THY1: variants seen among roughly 807,000 people sequenced by gnomAD.
The protein encoded by THY1 is thy-1 membrane glycoprotein.
In THY1, 10 loss-of-function variants were observed where a neutral mutation model predicts 14.9. The observed-to-expected ratio is 0.67, with a 90% CI of 0.41 to 1.14. The LOEUF is 1.14. Among genes scored for constraint, THY1 ranks in the 50% most tolerant of loss-of-function variants. THY1 has a pLI of 0.00. For synonymous variants in THY1, 80 were observed against 90.0 expected, an observed-to-expected ratio of 0.89 and a Z score of 0.63; for missense variants, 159 against 202.1, an observed-to-expected ratio of 0.79 and a Z score of 1.29.
At chr11:119,424,205 C>T (rs966926595), upstream of THY1, 1 of 152,286 alleles carries the variant, frequency 6.6e-6, no homozygotes, top group Non-Finnish European at 1.5e-5. Flanking sequence ...AACTCCTGAT[C>T]ACCTGGGGCA....
intron 1 of THY1, chr11:119,421,313 C>G (rs985136882): frequency 1.8e-5 from 3 of 166,820 alleles, no homozygotes; most frequent in African/African-American, 7.1e-5. Context: ...ATACAAAAAG[C>G]ATAATAATTA....
At chr11:119,419,952 A>T (rs1861863332) in intron 3 of THY1, 99 bp downstream of exon 3, 1 of 1,280,760 alleles carries the variant, frequency 7.8e-7, no homozygotes, top group East Asian at 2.5e-5. Context: ...TGAGAGCGTT[A>T]TGGGGCTATT....
At position 119,419,123 on chromosome 11, in the gene THY1, C is replaced by T; in HGVS notation, c.*285G>A. Reference sequence around the variant, plus strand: ...GGTCCCCAATCCTGGCTTCCCTCTTCACGAACTCTCAAAGAAAAGGAAGGA... The same window carrying T: ...GGTCCCCAATCCTGGCTTCCCTCTTTACGAACTCTCAAAGAAAAGGAAGGA... On this transcript the variant is annotated 3_prime_UTR_variant, in exon 4 of 4. Transcript: ENST00000284240. 5.0e-6 allele frequency: 2 copies of T among 403,906 alleles called. No homozygotes were observed. Among genetic ancestry groups the T allele is most frequent in the Admixed American group, 7.0e-5 (2 of 28,488 alleles). The allele number at this position is 403,906 out of a possible 1,614,324, so 25.0% of individuals were successfully genotyped here.
At chr11:119,423,345 C>G, upstream of THY1, 1 of 371,202 alleles carries the variant, frequency 2.7e-6, no homozygotes. Context: ...TGGCAGGTTG[C>G]GGCGGAAGGG....
At position 119,415,775 on chromosome 11, in the gene THY1, C is replaced by T. The variant is rs1365685293; in HGVS notation, c.*3633G>A. Among the ~76,000 whole-genome samples the T allele has an allele frequency of 6.6e-6, 1 of 152,200 alleles. No homozygotes were observed. Among genetic ancestry groups the T allele is most frequent in the East Asian group, 1.9e-4 (1 of 5,198 alleles). The stretch of plus-strand genomic sequence containing the variant: ...CTCCTTGAGTGTGTTGGGGACATTC[C>T]AGGCCTGAGAGTGTCCTGAGGCTGA... On this transcript the variant is annotated 3_prime_UTR_variant, in exon 4 of 4. Transcript: ENST00000284240.
At chr11:119,423,842 G>A (rs945568451), upstream of THY1, 2 of 152,964 alleles carry the variant, frequency 1.3e-5, no homozygotes, top group African/African-American at 4.8e-5. Flanking sequence ...TCAGCCCCTG[G>A]GCTGGCACCT....
chr11:119,420,150 A>T lies in THY1; in HGVS notation c.274T>A (p.Ser92Thr), dbSNP rs779886193. 1.4e-5 allele frequency: 23 copies of T among 1,614,248 alleles called. No homozygotes were observed. The highest frequency in any genetic ancestry group is 1.8e-5 in the Non-Finnish European group (21 of 1,180,042). Residue 92 changes from serine to threonine, a missense_variant, in exon 3 of 4, where the codon TCC (serine) becomes ACC (threonine). By Grantham distance (58) the Ser-to-Thr change is moderately conservative. Coordinates refer to ENST00000284240, the MANE Select transcript of THY1 (RefSeq NM_006288.5). ...SKYNMKVLYLSAFTSKDEGTY... is the reference protein window; with the variant it reads ...SKYNMKVLYLTAFTSKDEGTY... Reference sequence around the variant, plus strand: ...CCCTCGTCCTTGCTAGTGAAGGCGGATAAGTAGAGGACCTTCATGTTGTAT... The same window carrying T: ...CCCTCGTCCTTGCTAGTGAAGGCGGTTAAGTAGAGGACCTTCATGTTGTAT...
chr11:119,423,545 G>A, upstream of THY1: 1 of 243,256 alleles, frequency 4.1e-6, no homozygotes, highest in South Asian at 4.7e-5. Context: ...AAGTGTAAGA[G>A]GTGCAGGATG....
rs1591361192 is a variant in THY1 at position 119,422,606 on chromosome 11, T to C, written c.-25+507A>G. On this transcript the variant is annotated intron_variant, in intron 1 of 3. Coordinates refer to ENST00000284240, the MANE Select transcript of THY1 (RefSeq NM_006288.5). This position sits in a 1 kb window ranked among gnomAD's most constrained non-coding sequence, Gnocchi z 7.0. ...CTCTCATCCTTTTCCAGCTCTCCCCTCCCCCGTCCGCCCGCCTTCCACCCA... is the reference window on the plus strand; with the variant it reads ...CTCTCATCCTTTTCCAGCTCTCCCCCCCCCCGTCCGCCCGCCTTCCACCCA... The C allele has an allele frequency of 1.1e-5, 2 of 176,112 alleles. No individual in the cohort carries two copies. The highest frequency in any genetic ancestry group is 2.3e-5 in the Non-Finnish European group (2 of 85,988). The allele number at this position is 176,112 out of a possible 1,614,324, so 10.9% of individuals were successfully genotyped here.
rs34838334 is a variant in THY1 at position 119,415,914 on chromosome 11, T to TG, written c.*3493dup. Among the ~76,000 whole-genome samples the TG allele has an allele frequency of 0.35, 52,471 of 152,000 alleles. 9,920 individuals are homozygous for TG. The highest frequency in any genetic ancestry group is 0.49 in the African/African-American group (20,428 of 41,428). On this transcript the variant is annotated 3_prime_UTR_variant, in exon 4 of 4. Coordinates refer to ENST00000284240, the MANE Select transcript of THY1 (RefSeq NM_006288.5). ...TAAATGAGATGATTTACTCTTGACT[T>TG]GGGTTTGTTTGTTTCACATGTAAAG...
In THY1 at chr11:119,420,281, A is replaced by G. The variant is rs762883402; in HGVS notation, c.143T>C (p.Ile48Thr). 1.9e-5 allele frequency: 30 copies of G among 1,614,108 alleles called. No individual in the cohort carries two copies. The highest frequency in any genetic ancestry group is 2.5e-5 in the Non-Finnish European group (30 of 1,180,040). The part of the protein sequence containing the change: ...CRHENTSSSP[I>T]QYEFSLTRET... The stretch of plus-strand genomic sequence containing the variant: ...ACGGGTCAGGCTGAACTCGTACTGG[A>G]TGGGTGAACTGCTGGTATTCTCATG... Residue 48 changes from isoleucine to threonine, a missense_variant, in exon 3 of 4, where the codon ATC becomes ACC. Ile to Thr is a moderately conservative substitution (Grantham distance 89). Transcript: ENST00000284240.
upstream of THY1, among the ~76,000 whole-genome samples, chr11:119,424,506 C>A (rs1027854192): frequency 1.3e-5 from 2 of 152,138 alleles, no homozygotes; most frequent in African/African-American, 4.8e-5. Flanking sequence ...TGGAAGCTTG[C>A]AAGTGGGAGG....
Position 119,419,538 on chromosome 11 carries a change from G to A in THY1, c.374-18C>T, listed in dbSNP as rs777008177. 1.9e-6 allele frequency: 3 copies of A among 1,604,522 alleles called. No individual in the cohort carries two copies. In the Admixed American group the frequency reaches 5.0e-5, roughly 27 times the overall value. On this transcript the variant is annotated intron_variant, in intron 3 of 3. Transcript: ENST00000284240. ...CAGTTTGTCTGCAGAAAGAGAAGGG[G>A]GCCGGGGGCAGGGTAGGAAGGAAGA...
In THY1 at chr11:119,419,484, G is replaced by C. The variant is rs756883371; in HGVS notation, c.410C>G (p.Ala137Gly). 1 of 1,613,670 alleles carries C rather than the reference G, an allele frequency of 6.2e-7. No individual in the cohort carries two copies. Among genetic ancestry groups the C allele is most frequent in the Non-Finnish European group, 8.5e-7 (1 of 1,180,020 alleles). ...LVKCEGISLL[A>G]QNTSWLLLLL... ...CAGCAGCAGCCACGAGGTGTTCTGA[G>C]CCAGCAGGCTGATGCCCTCACACTT... Residue 137 changes from alanine to glycine, a missense_variant, in exon 4 of 4, where the codon GCT becomes GGT. Ala to Gly is a moderately conservative substitution (Grantham distance 60). Coordinates refer to ENST00000284240, the MANE Select transcript of THY1 (RefSeq NM_006288.5).
chr11:119,418,983 A>G lies in THY1; in HGVS notation c.*425T>C. On this transcript the variant is annotated 3_prime_UTR_variant, in exon 4 of 4. Coordinates refer to ENST00000284240, the MANE Select transcript of THY1 (RefSeq NM_006288.5). ...CCGTGCTAGGCCCAGGCACAGCCCAACCACTCCTCATCCAAGTCTCTCCCA... is the reference window on the plus strand; with the variant it reads ...CCGTGCTAGGCCCAGGCACAGCCCAGCCACTCCTCATCCAAGTCTCTCCCA... 3.1e-6 allele frequency: 1 copy of G among 317,934 alleles called. No homozygotes were observed. The highest frequency in any genetic ancestry group is 2.8e-5 in the South Asian group (1 of 35,440). 19.7% of individuals were successfully genotyped at this position (317,934 alleles called of 1,614,324 possible).
Position 119,415,943 on chromosome 11 carries a change from C to T in THY1, c.*3465G>A, listed in dbSNP as rs2135430441. Among the ~76,000 whole-genome samples the T allele has an allele frequency of 6.6e-6, 1 of 152,266 alleles. No homozygotes were observed. On this transcript the variant is annotated 3_prime_UTR_variant, in exon 4 of 4. Coordinates refer to ENST00000284240, the MANE Select transcript of THY1 (RefSeq NM_006288.5). ...TTTGTTTGTTTCACATGTAAAGACACCTTCACAGCACGAAAGCTGCAGATT... is the reference window on the plus strand; with the variant it reads ...TTTGTTTGTTTCACATGTAAAGACATCTTCACAGCACGAAAGCTGCAGATT...
In THY1 at chr11:119,422,482, G is replaced by T. The variant is rs745464306; in HGVS notation, c.-25+631C>A. 51 of 162,990 alleles carry T rather than the reference G, an allele frequency of 3.1e-4. No individual in the cohort carries two copies. Among genetic ancestry groups the T allele is most frequent in the Non-Finnish European group, 5.1e-4 (38 of 75,186 alleles). The allele number at this position is 162,990 out of a possible 1,614,324, so 10.1% of individuals were successfully genotyped here. A position where few individuals can be genotyped will look rare whatever the true frequency, so the allele number is the denominator to read the frequency against. On this transcript the variant is annotated intron_variant, in intron 1 of 3. Coordinates refer to ENST00000284240, the MANE Select transcript of THY1 (RefSeq NM_006288.5). The surrounding 1 kb of genome is among the most constrained non-coding windows in gnomAD (Gnocchi z 7.0). ...TCAGGCGGCTCCAGACCCAGAGAAG[G>T]TCTGCTCTTCCTCCCTCTCAAGCCC...
chr11:119,422,020 C>A lies in THY1; in HGVS notation c.-24-1091G>T, dbSNP rs1861913033. The A allele has an allele frequency of 6.6e-6, 1 of 152,298 alleles. No homozygotes were observed. Among genetic ancestry groups the A allele is most frequent in the Admixed American group, 6.5e-5 (1 of 15,282 alleles). 9.4% of individuals were successfully genotyped at this position (152,298 alleles called of 1,614,324 possible). On this transcript the variant is annotated intron_variant, in intron 1 of 3. Transcript: ENST00000284240. The surrounding 1 kb of genome is among the most constrained non-coding windows in gnomAD (Gnocchi z 7.0). ...CCGGTAGTCTAGCCTATCTGCAGAG[C>A]AGTGCTCGCCCAGGAGAGGCCACAG...
Position 119,417,472 on chromosome 11 carries a change from C to T in THY1, c.*1936G>A. On this transcript the variant is annotated 3_prime_UTR_variant, in exon 4 of 4. Coordinates refer to ENST00000284240, the MANE Select transcript of THY1 (RefSeq NM_006288.5). ...TGAGTCAGCCTCTGGGCAGCTGTCACCTTCCTCCCCCAAATTCCCTGGCAA... is the reference window on the plus strand; with the variant it reads ...TGAGTCAGCCTCTGGGCAGCTGTCATCTTCCTCCCCCAAATTCCCTGGCAA... The T allele has an allele frequency of 6.6e-6, 1 of 152,218 alleles. No homozygotes were observed. The highest frequency in any genetic ancestry group is 1.9e-4 in the East Asian group (1 of 5,200). 9.4% of individuals were successfully genotyped at this position (152,218 alleles called of 1,614,324 possible). A position where few individuals can be genotyped will look rare whatever the true frequency, so the allele number is the denominator to read the frequency against.
Sources: gnomAD v4.1 joint callset for allele counts (sites outside exome capture counted in the v4.1 genomes callset) on GRCh38, gnomAD v4.1.1 for gene constraint, Gnocchi (gnomAD v3.1) non-coding constraint, MANE v1.5 for transcripts, NCBI Gene and HGNC (gene_info 2026-07-23, HGNC 2026-07-21) for gene names.